The following BNC2 variants were observed in gnomAD, a reference collection of about 807,000 sequenced individuals.
The protein encoded by BNC2 is basonuclin zinc finger protein 2, also known as zinc finger protein basonuclin-2.
Under a neutral mutation model 76.3 loss-of-function variants are expected in BNC2, and 20 were observed. That is an observed-to-expected ratio of 0.26 (90% CI 0.18 to 0.38). The LOEUF is 0.38. Among genes scored for constraint, BNC2 ranks in the 10% least tolerant of loss-of-function variants. BNC2 has a pLI of 1.00. For synonymous variants in BNC2, 582 were observed against 514.8 expected, an observed-to-expected ratio of 1.13 and a Z score of -1.77; for missense variants, 1,382 against 1,399.8, an observed-to-expected ratio of 0.99 and a Z score of 0.20.
intron 3 of BNC2, among the ~76,000 whole-genome samples, chr9:16,642,748 T>C (rs1314152304): frequency 6.6e-6 from 1 of 152,214 alleles, no homozygotes; most frequent in African/African-American, 2.4e-5. Context: ...AAATACAGTC[T>C]ACAGTCCCTA....
At chr9:16,721,981 T>C (rs1824171005) in intron 3 of BNC2, among the ~76,000 whole-genome samples, 1 of 152,210 alleles carries the variant, frequency 6.6e-6, no homozygotes, top group South Asian at 2.1e-4. Context: ...TCATTAGCTA[T>C]TCACGTTTAC....
rs113419911 is a variant in BNC2, at chr9:16,494,303, C to A, written c.670-56779G>T. Among the ~76,000 whole-genome samples the A allele has an allele frequency of 4.4e-3, 672 of 152,046 alleles. 8 individuals are homozygous for A. Among genetic ancestry groups the A allele is most frequent in the African/African-American group, 0.015 (634 of 41,472 alleles). ...GAGTAGCTAGGATTACAGGCCTGTGCCACCATGCCCAGCTAATTTTTATAT... is the reference window on the plus strand; with the variant it reads ...GAGTAGCTAGGATTACAGGCCTGTGACACCATGCCCAGCTAATTTTTATAT... On this transcript the variant is annotated intron_variant, in intron 5 of 6. Transcript: ENST00000380672.
intron 3 of BNC2, among the ~76,000 whole-genome samples, chr9:16,653,806 G>T (rs757141277): frequency 4.6e-5 from 7 of 152,172 alleles, no homozygotes; most frequent in Non-Finnish European, 8.8e-5. Context: ...TGTGCCCTCA[G>T]TGTAAAACAA....
intron 1 of BNC2, among the ~76,000 whole-genome samples, chr9:16,780,443 G>C (rs1431646532): frequency 6.6e-6 from 1 of 150,922 alleles, no homozygotes; most frequent in Admixed American, 6.6e-5. Flanking sequence ...GTAGTGGCGG[G>C]CGCCTGTAGT....
At chr9:16,499,684 CCTGT>C (rs1375204993) in intron 5 of BNC2, among the ~76,000 whole-genome samples, 13 of 151,868 alleles carry the variant, frequency 8.6e-5, no homozygotes, top group African/African-American at 2.4e-4. Context: ...CGCCTGCCAC[CCTGT>C]CTGGCTAACT....
intron 1 of BNC2, among the ~76,000 whole-genome samples, chr9:16,846,983 A>C (rs1157949782): frequency 6.6e-6 from 1 of 152,204 alleles, no homozygotes; most frequent in East Asian, 1.9e-4. Flanking sequence ...AACTTCCCTG[A>C]AAGTACACTA....
chr9:16,766,321 A>G (rs1042114496), intron 1 of BNC2, among the ~76,000 whole-genome samples: 4 of 152,098 alleles, frequency 2.6e-5, no homozygotes, highest in African/African-American at 9.6e-5. Context: ...GGTGGGAGGG[A>G]TGAGGGGAAT....
intron 5 of BNC2, among the ~76,000 whole-genome samples, chr9:16,482,886 T>C (rs1822089403): frequency 6.6e-6 from 1 of 152,204 alleles, no homozygotes; most frequent in African/African-American, 2.4e-5. Flanking sequence ...GGTCCGGGGC[T>C]TTCCGTGGCC....
At chr9:16,555,522 C>G (rs1426861160) in intron 4 of BNC2, among the ~76,000 whole-genome samples, 1 of 152,154 alleles carries the variant, frequency 6.6e-6, no homozygotes, top group Non-Finnish European at 1.5e-5. Context: ...TACAGCTGGG[C>G]AAGGTGGCTC....
At chr9:16,819,580 C>A (rs1818266686) in intron 1 of BNC2, among the ~76,000 whole-genome samples, 1 of 151,798 alleles carries the variant, frequency 6.6e-6, no homozygotes, top group Admixed American at 6.6e-5. Flanking sequence ...TCACTTCAAC[C>A]CAGGAGGTGG....
chr9:16,770,650 GAA>G, intron 1 of BNC2, among the ~76,000 whole-genome samples: 1 of 45,028 alleles, frequency 2.2e-5, no homozygotes, highest in South Asian at 5.1e-4. Context: ...AGTCATTCAA[GAA>G]TTTTTTTTTT....
chr9:16,828,817 T>A (rs538384864), intron 1 of BNC2, among the ~76,000 whole-genome samples: 1 of 152,288 alleles, frequency 6.6e-6, no homozygotes, highest in African/African-American at 2.4e-5. Flanking sequence ...TAACAACCGC[T>A]GAAATGATCT....
chr9:16,487,189 A>G (rs1031155662), intron 5 of BNC2, among the ~76,000 whole-genome samples: 2 of 152,190 alleles, frequency 1.3e-5, no homozygotes, highest in South Asian at 4.1e-4. Flanking sequence ...CTAGAAGCAC[A>G]GTCTTGAGGG....
intron 5 of BNC2, among the ~76,000 whole-genome samples, chr9:16,524,431 T>A (rs1817727713): frequency 6.6e-6 from 1 of 152,082 alleles, no homozygotes; most frequent in Non-Finnish European, 1.5e-5. Context: ...TTCTGACAAG[T>A]TCCCTAAGGA....
intron 5 of BNC2, among the ~76,000 whole-genome samples, chr9:16,518,032 T>A (rs10962471): frequency 6.6e-6 from 1 of 152,010 alleles, no homozygotes; most frequent in Non-Finnish European, 1.5e-5. Context: ...ATCTTGAGAG[T>A]GAAATCTGGA....
At chr9:16,447,868 T>C (rs1821259985) in intron 5 of BNC2, among the ~76,000 whole-genome samples, 1 of 152,116 alleles carries the variant, frequency 6.6e-6, no homozygotes, top group African/African-American at 2.4e-5. Flanking sequence ...CTCCAAAAAC[T>C]AGCAGTATTT....
intron 1 of BNC2, among the ~76,000 whole-genome samples, chr9:16,793,773 C>A (rs1355459124): frequency 6.7e-6 from 1 of 148,614 alleles, no homozygotes; most frequent in East Asian, 2.0e-4. Context: ...TCACGCCATT[C>A]TCCTGCCTCA....
chr9:16,645,993 C>T (rs1563878223), intron 3 of BNC2, among the ~76,000 whole-genome samples: 2 of 152,340 alleles, frequency 1.3e-5, no homozygotes, highest in Non-Finnish European at 2.9e-5. Context: ...AAGTTCCTTT[C>T]AGGTCATTCC....
chr9:16,811,512 A>G lies in BNC2; in HGVS notation c.3+59134T>C, dbSNP rs901401847. Among the ~76,000 whole-genome samples, 6 of 133,218 alleles carry G rather than the reference A, an allele frequency of 4.5e-5. No individual in the cohort carries two copies. In the Admixed American group the frequency reaches 4.6e-4, roughly 10 times the overall value. 87.4% of individuals were successfully genotyped at this position (133,218 alleles called of 152,430 possible). On this transcript the variant is annotated intron_variant, in intron 1 of 6. Transcript: ENST00000380672. ...GGTTGCGGTGAGCCGAGATCGAGCC[A>G]TTGCACTCCAGCCTGGGCAACAAGA...
Sources: gnomAD v4.1 joint callset for allele counts (sites outside exome capture counted in the v4.1 genomes callset) on GRCh38, gnomAD v4.1.1 for gene constraint, MANE v1.5 for transcripts, NCBI Gene and HGNC (gene_info 2026-07-23, HGNC 2026-07-21) for gene names.